Variants in CACNA2D1 observed in about 807,000 individuals in gnomAD.
CACNA2D1 encodes voltage-dependent calcium channel subunit alpha-2/delta-1.
In CACNA2D1, 53 loss-of-function variants were observed where a neutral mutation model predicts 171.5. That is an observed-to-expected ratio of 0.31 (90% CI 0.25 to 0.39). CACNA2D1 has a LOEUF of 0.39. CACNA2D1 is among the 10% of genes least tolerant of loss of function. CACNA2D1 has a pLI of 1.00. For missense variants in CACNA2D1, 903 were observed against 1,299.8 expected (o/e 0.69, Z 4.69); for synonymous variants, 442 against 443.1 (o/e 1.00, Z 0.03).
chr7:81,980,486 G>A (rs1340262508), intron 24 of CACNA2D1, among the ~76,000 whole-genome samples: 1 of 152,132 alleles, frequency 6.6e-6, no homozygotes, highest in Non-Finnish European at 1.5e-5. Flanking sequence ...GACCACACTG[G>A]TACACCAGGA....
chr7:82,078,898 G>C (rs183093214), intron 7 of CACNA2D1, among the ~76,000 whole-genome samples: 18 of 151,296 alleles, frequency 1.2e-4, no homozygotes, highest in Admixed American at 1.1e-3. Context: ...AAAGAGGGTG[G>C]AGAAAGAGGA....
Position 82,375,023 on chromosome 7 carries a change from T to G in CACNA2D1, c.96-25374A>C, listed in dbSNP as rs538549975. On this transcript the variant is annotated intron_variant, in intron 1 of 38. Coordinates refer to ENST00000356860, the MANE Select transcript of CACNA2D1 (RefSeq NM_000722.4). The stretch of plus-strand genomic sequence containing the variant: ...CTAATCCCCAACAAGCTAAGGGCAC[T>G]AATGCGAAGGAATATAAGAGATTTA... 2.0e-5 allele frequency among the ~76,000 whole-genome samples: 3 copies of G among 152,270 alleles called. No homozygotes were observed. The East Asian group carries it at 5.8e-4, about 29-fold the overall frequency.
rs60130297 is a variant in CACNA2D1, at chr7:81,994,626, T to A, written c.1734+242A>T. Among the ~76,000 whole-genome samples the A allele has an allele frequency of 0.016, 2,494 of 152,116 alleles. 69 individuals are homozygous for A. The highest frequency in any genetic ancestry group is 0.057 in the African/African-American group (2,386 of 41,524). ...TAATTTCAAGAATATACTGTTAATG[T>A]ATAAGAAAACATCAAGAAACCTAAA... On this transcript the variant is annotated intron_variant, in intron 20 of 38. Coordinates refer to ENST00000356860, the MANE Select transcript of CACNA2D1 (RefSeq NM_000722.4).
chr7:82,346,511 T>C (rs76294853), intron 2 of CACNA2D1, among the ~76,000 whole-genome samples: 5,782 of 151,342 alleles, frequency 0.038, 158 homozygotes, highest in Middle Eastern at 0.082. Context: ...TAAAGTATTA[T>C]GGGTTTTCTT....
chr7:82,291,416 C>A (rs1811555521), intron 3 of CACNA2D1, among the ~76,000 whole-genome samples: 1 of 127,612 alleles, frequency 7.8e-6, no homozygotes, highest in African/African-American at 2.9e-5. Flanking sequence ...TATATAATAT[C>A]TAGATATATA....
intron 21 of CACNA2D1, among the ~76,000 whole-genome samples, chr7:81,986,567 GA>G (rs953134307): frequency 8.8e-5 from 13 of 147,702 alleles, no homozygotes; most frequent in South Asian, 4.3e-4. Context: ...CTATGAAAAG[GA>G]AAAAAAAAGC....
intron 3 of CACNA2D1, among the ~76,000 whole-genome samples, chr7:82,216,781 G>C (rs940351158): frequency 6.7e-6 from 1 of 148,908 alleles, no homozygotes; most frequent in Admixed American, 6.8e-5. Flanking sequence ...GAACGTCCTA[G>C]ATAGCAAAGA....
intron 1 of CACNA2D1, among the ~76,000 whole-genome samples, chr7:82,389,284 G>GT (rs1336339422): frequency 7.3e-5 from 11 of 150,970 alleles, no homozygotes; most frequent in East Asian, 1.9e-4. Context: ...TTAATAGCCA[G>GT]TTTTTTTTAT....
intron 3 of CACNA2D1, among the ~76,000 whole-genome samples, chr7:82,280,824 G>A (rs1377637798): frequency 6.6e-6 from 1 of 152,128 alleles, no homozygotes; most frequent in African/African-American, 2.4e-5. Flanking sequence ...TGGGACTACA[G>A]ACACGTGCAC....
intron 1 of CACNA2D1, among the ~76,000 whole-genome samples, chr7:82,400,067 G>A (rs921124061): frequency 2.0e-5 from 3 of 151,194 alleles, no homozygotes; most frequent in Non-Finnish European, 4.4e-5. Flanking sequence ...CTATATCTCT[G>A]TTTTGGTACC....
chr7:82,128,818 C>T (rs1790635007), intron 5 of CACNA2D1, among the ~76,000 whole-genome samples: 1 of 151,998 alleles, frequency 6.6e-6, no homozygotes, highest in African/African-American at 2.4e-5. Flanking sequence ...CCATACTCCC[C>T]TCCCCTGCCC....
At chr7:82,442,210 A>C (rs188079871) in intron 1 of CACNA2D1, among the ~76,000 whole-genome samples, 4 of 152,332 alleles carry the variant, frequency 2.6e-5, no homozygotes. Context: ...GCAGGATTTC[A>C]ACCGCTAAAG....
intron 1 of CACNA2D1, among the ~76,000 whole-genome samples, chr7:82,422,105 G>A (rs189973520): frequency 1.1e-3 from 170 of 152,140 alleles, no homozygotes; most frequent in Admixed American, 3.3e-3. Flanking sequence ...TTACCCAAAT[G>A]GCAAATAAAG....
intron 26 of CACNA2D1, among the ~76,000 whole-genome samples, chr7:81,971,506 C>T (rs1584237391): frequency 6.6e-6 from 1 of 151,570 alleles, no homozygotes; most frequent in East Asian, 1.9e-4. Flanking sequence ...CCTACTTTAG[C>T]ACAAACAGAA....
At chr7:81,951,476 A>G (rs1394320328) in intron 38 of CACNA2D1, among the ~76,000 whole-genome samples, 1 of 152,010 alleles carries the variant, frequency 6.6e-6, no homozygotes, top group Non-Finnish European at 1.5e-5. Flanking sequence ...CACCGAATGT[A>G]TGTAGTACTT....
chr7:82,232,406 T>C (rs950754589), intron 3 of CACNA2D1, among the ~76,000 whole-genome samples: 1 of 152,152 alleles, frequency 6.6e-6, no homozygotes, highest in African/African-American at 2.4e-5. Flanking sequence ...TTTTCAACAG[T>C]AGATTGAGGT....
At chr7:82,250,453 A>T (rs1241966689) in intron 3 of CACNA2D1, among the ~76,000 whole-genome samples, 2 of 152,204 alleles carry the variant, frequency 1.3e-5, no homozygotes, top group Non-Finnish European at 2.9e-5. Context: ...TTTCCTGTGG[A>T]TATATCCTGA....
rs890553918 is a variant in CACNA2D1, at chr7:82,163,044, T to C, written c.354+7506A>G. ...ATTAACATAGCCATTAATATATCTATAACTCCACCAAATTGAAATTATTCC... is the reference window on the plus strand; with the variant it reads ...ATTAACATAGCCATTAATATATCTACAACTCCACCAAATTGAAATTATTCC... On this transcript the variant is annotated intron_variant, in intron 4 of 38. Transcript: ENST00000356860. 2.6e-5 allele frequency among the ~76,000 whole-genome samples: 4 copies of C among 152,162 alleles called. 1 individual carries two copies. The highest frequency in any genetic ancestry group is 2.6e-4 in the Admixed American group (4 of 15,240).
chr7:82,197,649 G>A (rs568021522), intron 3 of CACNA2D1, among the ~76,000 whole-genome samples: 4 of 152,144 alleles, frequency 2.6e-5, no homozygotes, highest in South Asian at 2.1e-4. Context: ...CTGTTGTTAC[G>A]TGGCATGTGC....
Sources: gnomAD v4.1 joint callset for allele counts (sites outside exome capture counted in the v4.1 genomes callset) on GRCh38, gnomAD v4.1.1 for gene constraint, MANE v1.5 for transcripts, NCBI Gene and HGNC (gene_info 2026-07-23, HGNC 2026-07-21) for gene names.